The following ARHGEF10L variants were observed in gnomAD, a reference collection of about 807,000 sequenced individuals.
The protein encoded by ARHGEF10L is rho guanine nucleotide exchange factor 10-like protein.
A neutral mutation model predicts 141.2 loss-of-function variants in ARHGEF10L; 69 were observed. The ratio of observed to expected loss-of-function variants is 0.49; its 90% CI spans 0.40 to 0.60. ARHGEF10L has a LOEUF of 0.60. Ranked by LOEUF, ARHGEF10L falls within the 20% of genes least tolerant of loss-of-function variation. The pLI is 0.00. For synonymous variants in ARHGEF10L, 711 were observed against 718.5 expected (o/e 0.99, Z 0.17); for missense variants, 1,482 against 1,734.3 (o/e 0.85, Z 2.58).
At chr1:17,660,466 C>T (rs1266771851) in intron 25 of ARHGEF10L, among the ~76,000 whole-genome samples, 1 of 152,206 alleles carries the variant, frequency 6.6e-6, no homozygotes, top group Non-Finnish European at 1.5e-5. Flanking sequence ...AGTGCCGCGA[C>T]ACAGCCTGGA....
intron 1 of ARHGEF10L, among the ~76,000 whole-genome samples, chr1:17,566,000 G>A (rs989046154): frequency 3.9e-5 from 6 of 151,988 alleles, no homozygotes; most frequent in African/African-American, 1.5e-4. Context: ...GCAGAATGCA[G>A]TTTCTTTAGA....
chr1:17,584,570 G>A (rs1186043735), intron 2 of ARHGEF10L, among the ~76,000 whole-genome samples: 1 of 152,182 alleles, frequency 6.6e-6, no homozygotes, highest in Admixed American at 6.5e-5. Flanking sequence ...CATAGAGAAA[G>A]GTAAAGTAGG....
intron 7 of ARHGEF10L, among the ~76,000 whole-genome samples, chr1:17,610,949 T>TG (rs201353015): frequency 4.7e-5 from 7 of 149,310 alleles, no homozygotes; most frequent in African/African-American, 1.3e-4. Context: ...CCAGGATCTG[T>TG]GGTTTTTTTT....
At chr1:17,515,920 AG>A in the ARHGEF10L span, among the ~76,000 whole-genome samples, 3 of 152,208 alleles carry the variant, frequency 2.0e-5, no homozygotes, top group Non-Finnish European at 4.4e-5. Flanking sequence ...TACAAGTGTG[AG>A]CCACTGCACC....
chr1:17,551,829 C>G (rs1044020014), intron 1 of ARHGEF10L, among the ~76,000 whole-genome samples: 9 of 152,264 alleles, frequency 5.9e-5, no homozygotes, highest in African/African-American at 2.2e-4. Context: ...GACTGGTCTT[C>G]TAACTAAAAC....
chr1:17,691,760 A>T lies in ARHGEF10L; in HGVS notation c.3185-3398A>T, dbSNP rs905390. Among the ~76,000 whole-genome samples, 45 of 151,938 alleles carry T rather than the reference A, an allele frequency of 3.0e-4. No homozygotes were observed. The East Asian group carries it at 7.9e-3, about 27-fold the overall frequency. ...TTTCTAATAATTATAAAATTGAGCA[A>T]GGCAGGTTTGTAGTACTCATTGATG... is the stretch of plus-strand genomic sequence containing the variant. On this transcript the variant is annotated intron_variant, in intron 27 of 28. Transcript: ENST00000361221.
At chr1:17,576,154 A>G (rs1359583881) in intron 1 of ARHGEF10L, among the ~76,000 whole-genome samples, 1 of 150,488 alleles carries the variant, frequency 6.6e-6, no homozygotes, top group Non-Finnish European at 1.5e-5. Flanking sequence ...GGGATGGGGC[A>G]GCTTGATGTG....
upstream of ARHGEF10L, among the ~76,000 whole-genome samples, chr1:17,537,833 A>G (rs1570331154): frequency 6.8e-6 from 1 of 147,236 alleles, no homozygotes; most frequent in East Asian, 2.0e-4. Context: ...CCTGGACAAC[A>G]TAGTAAGACC....
rs558529557 is a variant in ARHGEF10L at position 17,563,401 on chromosome 1, AT to A, written c.-43-17147del. 3.3e-5 allele frequency among the ~76,000 whole-genome samples: 5 copies of A among 151,952 alleles called. No individual in the cohort carries two copies. The East Asian group carries it at 9.7e-4, about 30-fold the overall frequency. On this transcript the variant is annotated intron_variant, in intron 1 of 28. Transcript: ENST00000361221. ...AGGCGTGTACCACCATGCCTGGCTAATTTTTGTATTTTTTGTAGACATGGGG... is the reference window on the plus strand; with the variant it reads ...AGGCGTGTACCACCATGCCTGGCTAATTTTGTATTTTTTGTAGACATGGGG...
chr1:17,655,310 C>T (rs941205475), intron 23 of ARHGEF10L, among the ~76,000 whole-genome samples: 2 of 151,820 alleles, frequency 1.3e-5, no homozygotes, highest in Non-Finnish European at 2.9e-5. Context: ...ACCCACCTAC[C>T]TATCCATTTA....
Position 17,580,538 on chromosome 1 carries a change from G to T in ARHGEF10L, c.-43-15G>T. ...CTGACTCCAGCTAATGCGATTTCTG[G>T]TCTTCTTTCCACAGGTGTGTAGCTG... On this transcript the variant is annotated splice_polypyrimidine_tract_variant and intron_variant, in intron 1 of 28. Transcript: ENST00000361221. 6.2e-7 allele frequency: 1 copy of T among 1,611,594 alleles called. No homozygotes were observed. The highest frequency in any genetic ancestry group is 2.2e-5 in the East Asian group (1 of 44,854).
chr1:17,650,507 TGGATCAC>T (rs2101959711), intron 22 of ARHGEF10L, among the ~76,000 whole-genome samples: 2 of 151,220 alleles, frequency 1.3e-5, no homozygotes, highest in Admixed American at 1.3e-4. Flanking sequence ...CCAAGGCAGG[TGGATCAC>T]TTGAGGTCAG....
chr1:17,620,948 G>T (rs1037084291), intron 10 of ARHGEF10L, among the ~76,000 whole-genome samples: 4 of 152,278 alleles, frequency 2.6e-5, no homozygotes, highest in African/African-American at 7.2e-5. Context: ...GACTGTGTTG[G>T]AAAGATCCTC....
chr1:17,656,030 A>G lies in ARHGEF10L; in HGVS notation c.2633A>G (p.Asp878Gly), dbSNP rs2062222497. ...CTGGAGGAGGAGGCGGAGAGCAGAG[A>G]CGAGAGCCCGACAGTTGCTGACCCC... ...PELEEEAESR[D>G]ESPTVADPSA... The change falls in exon 24 of 29, where the codon GAC (aspartate) becomes GGC (glycine). Residue 878 changes from aspartate to glycine, a missense_variant. This residue lies in a region of ARHGEF10L where 858 missense variants were observed against 966.3 expected (regional missense o/e 0.89). Transcript: ENST00000361221. The surrounding 1 kb of genome is among the most constrained non-coding windows in gnomAD (Gnocchi z 4.9). 1.9e-6 allele frequency: 3 copies of G among 1,571,650 alleles called. No homozygotes were observed. Among genetic ancestry groups the G allele is most frequent in the African/African-American group, 2.7e-5 (2 of 74,234 alleles).
rs76392168 is a variant in ARHGEF10L, at chr1:17,644,824, G to A, written c.2273-3730G>A. Among the ~76,000 whole-genome samples, 3,501 of 152,226 alleles carry A rather than the reference G, an allele frequency of 0.023. 149 individuals carry two copies. The highest frequency in any genetic ancestry group is 0.08 in the African/African-American group (3,337 of 41,512). ...GAGCAGCGAGGACAGTGACCACCAT[G>A]GCTGCTATTTCCGGAGTGCCTGGTG... On this transcript the variant is annotated intron_variant, in intron 21 of 28. Transcript: ENST00000361221. This position sits in a 1 kb window ranked among gnomAD's most constrained non-coding sequence, Gnocchi z 4.5.
At chr1:17,638,461 G>T in intron 19 of ARHGEF10L, 101 bp from the exon 20 acceptor site, 3 of 1,532,534 alleles carry the variant, frequency 2.0e-6, no homozygotes, top group Non-Finnish European at 2.7e-6. Flanking sequence ...GACTTCTTCA[G>T]TTTCTCTTCC....
intron 22 of ARHGEF10L, among the ~76,000 whole-genome samples, chr1:17,653,186 C>A (rs1232371562): frequency 6.6e-6 from 1 of 152,144 alleles, no homozygotes; most frequent in Non-Finnish European, 1.5e-5. Flanking sequence ...TAGGTGAGGA[C>A]CTGATTTGTT....
At chr1:17,618,389 G>A (rs777653510) in intron 9 of ARHGEF10L, 19 of 1,543,896 alleles carry the variant, frequency 1.2e-5, no homozygotes, top group Non-Finnish European at 1.7e-5. Flanking sequence ...AGAGGAAGCT[G>A]CGAGGCAGGC....
intron 17 of ARHGEF10L, 130 bp downstream of exon 17, chr1:17,634,692 G>T: frequency 6.8e-7 from 1 of 1,466,620 alleles, no homozygotes; most frequent in Non-Finnish European, 9.2e-7. Context: ...TCCCTGCTCT[G>T]CCTGGCTTGG....
Sources: gnomAD v4.1 joint callset for allele counts (sites outside exome capture counted in the v4.1 genomes callset) on GRCh38, gnomAD v4.1.1 for gene constraint, gnomAD v4.1.1 regional missense constraint, Gnocchi (gnomAD v3.1) non-coding constraint, MANE v1.5 for transcripts, NCBI Gene and HGNC (gene_info 2026-07-23, HGNC 2026-07-21) for gene names.